Variants in VPS13A observed in about 807,000 individuals in gnomAD.
VPS13A encodes the protein vacuolar protein sorting 13 homolog A.
Under a neutral mutation model 390.9 loss-of-function variants are expected in VPS13A, and 264 were observed. The ratio of observed to expected loss-of-function variants is 0.68; its 90% confidence interval spans 0.61 to 0.75. VPS13A has a LOEUF of 0.75. Ranked by LOEUF, VPS13A falls within the 30% of genes least tolerant of loss-of-function variation. VPS13A has a pLI of 0.00. For synonymous variants in VPS13A, 1,231 were observed against 1,227.1 expected, an observed-to-expected ratio of 1.00 and a Z score of -0.07; for missense variants, 3,409 against 3,733.9, an observed-to-expected ratio of 0.91 and a Z score of 2.27.
intron 26 of VPS13A, among the ~76,000 whole-genome samples, chr9:77,278,821 G>C (rs1022110446): frequency 2.6e-5 from 4 of 152,158 alleles, no homozygotes; most frequent in Non-Finnish European, 5.9e-5. Context: ...TTCTACACTG[G>C]TTTTCTTAGT....
chr9:77,178,594 A>G (rs929474421), intron 1 of VPS13A, among the ~76,000 whole-genome samples: 1 of 152,120 alleles, frequency 6.6e-6, no homozygotes, highest in Non-Finnish European at 1.5e-5. Context: ...CCTGCAAAAG[A>G]CCGGGCTGAA....
intron 10 of VPS13A, among the ~76,000 whole-genome samples, chr9:77,217,352 C>A (rs1005504321): frequency 4.6e-5 from 7 of 152,086 alleles, no homozygotes; most frequent in African/African-American, 9.7e-5. Context: ...GGAGTACAAT[C>A]CTTACATGGA....
chr9:77,403,092 T>C (rs1462273397), intron 68 of VPS13A, 144 bp from the exon 69 acceptor site: 1 of 633,554 alleles, frequency 1.6e-6, no homozygotes, highest in East Asian at 2.8e-5. Flanking sequence ...GAAACAGCAA[T>C]GATTTTACAA....
intron 1 of VPS13A, among the ~76,000 whole-genome samples, chr9:77,185,955 C>T (rs1311901502): frequency 2.0e-5 from 3 of 152,084 alleles, no homozygotes; most frequent in Non-Finnish European, 2.9e-5. Flanking sequence ...GGTGAAACCC[C>T]ATCTCTACTA....
At chr9:77,410,365 G>A (rs1834859959) in intron 71 of VPS13A, among the ~76,000 whole-genome samples, 1 of 151,106 alleles carries the variant, frequency 6.6e-6, no homozygotes, top group Admixed American at 6.6e-5. Flanking sequence ...AGACCATCAA[G>A]GCTAGGAAGA....
In VPS13A at chr9:77,380,903, G is replaced by A. The variant is rs370342750; in HGVS notation, c.9078-1073G>A. 3.3e-5 allele frequency among the ~76,000 whole-genome samples: 5 copies of A among 152,168 alleles called. No individual in the cohort carries two copies. In the East Asian group the frequency reaches 7.7e-4, roughly 23 times the overall value. ...TGCCGCTGCTGATATGACAGGAGGT[G>A]GAGCTCAGGCAGTGAAACTTGCTTG... On this transcript the variant is annotated intron_variant, in intron 67 of 71. Coordinates refer to ENST00000360280, the MANE Select transcript of VPS13A (RefSeq NM_033305.3).
At chr9:77,384,994 T>C (rs1230608599) in intron 68 of VPS13A, 1 of 1,070,516 alleles carries the variant, frequency 9.3e-7, no homozygotes, top group Admixed American at 4.9e-5. Flanking sequence ...TCACTGGTTT[T>C]ATTTTAAATT....
rs76730947 is a variant in VPS13A at position 77,277,741 on chromosome 9, G to A, written c.2824+1520G>A. 7.5e-4 allele frequency among the ~76,000 whole-genome samples: 114 copies of A among 151,870 alleles called. No individual in the cohort carries two copies. The East Asian group carries it at 0.02, about 27-fold the overall frequency. Reference sequence around the variant, plus strand: ...GTTACCTCCATGTCTTTTCATAACTGGGCAGCCCATTTCTTTTTTAGCAAT... The same window carrying A: ...GTTACCTCCATGTCTTTTCATAACTAGGCAGCCCATTTCTTTTTTAGCAAT... On this transcript the variant is annotated intron_variant, in intron 26 of 71. Transcript: ENST00000360280.
intron 57 of VPS13A, 67 bp downstream of exon 57, chr9:77,358,505 A>G: frequency 7.5e-7 from 1 of 1,339,782 alleles, no homozygotes; most frequent in South Asian, 1.2e-5. Flanking sequence ...TTTACTATAA[A>G]AATATGAAGT....
In VPS13A at chr9:77,260,097, A is replaced by T; in HGVS notation, c.2300A>T (p.Tyr767Phe). 1 of 1,514,024 alleles carries T rather than the reference A, an allele frequency of 6.6e-7. No individual in the cohort carries two copies. Among genetic ancestry groups the T allele is most frequent in the Non-Finnish European group, 9.2e-7 (1 of 1,092,676 alleles). The allele number at this position is 1,514,024 out of a possible 1,614,324, so 93.8% of individuals were successfully genotyped here. Residue 767 changes from tyrosine (Y) to phenylalanine (F), a missense_variant, in exon 23 of 72, where the codon TAT becomes TTT. Physicochemically the swap from Tyr to Phe is conservative, Grantham distance 22. Transcript: ENST00000360280. ...TCTTTTCAAAACAGATTCAAGATTT[A>T]TGGAAAGTTACCTCTTATTTCTTTA... The part of the protein sequence containing the change: ...MDVRMPKFKI[Y>F]GKLPLISLRI...
chr9:77,209,588 T>G, intron 6 of VPS13A, 56 bp downstream of exon 6: 1 of 1,143,614 alleles, frequency 8.7e-7, no homozygotes, highest in Non-Finnish European at 1.3e-6. Context: ...GTTATTTTAC[T>G]ATTTAATGAC....
chr9:77,319,730 TA>T (rs1829629874), intron 42 of VPS13A, 57 bp downstream of exon 42: 4 of 1,006,162 alleles, frequency 4.0e-6, no homozygotes, highest in Admixed American at 2.7e-5. Flanking sequence ...TAAAAGACTT[TA>T]TTTTTTTAAG....
chr9:77,308,179 G>A lies in VPS13A; in HGVS notation c.4114+81G>A, dbSNP rs1015613708. The A allele has an allele frequency of 2.9e-5, 43 of 1,459,112 alleles. No homozygotes were observed. The Middle Eastern group carries it at 5.2e-4, about 18-fold the overall frequency. The allele number at this position is 1,459,112 out of a possible 1,614,324, so 90.4% of individuals were successfully genotyped here. A position where few individuals can be genotyped will look rare whatever the true frequency, so the allele number is the denominator to read the frequency against. Reference sequence around the variant, plus strand: ...TATCTTCTTCCCTCCCCTTCCTTCTGTCTTTTCCCTCCTTCCTCCCCTCTT... The same window carrying A: ...TATCTTCTTCCCTCCCCTTCCTTCTATCTTTTCCCTCCTTCCTCCCCTCTT... On this transcript the variant is annotated intron_variant, in intron 35 of 71. Coordinates refer to ENST00000360280, the MANE Select transcript of VPS13A (RefSeq NM_033305.3).
intron 4 of VPS13A, 95 bp from the exon 5 acceptor site, chr9:77,205,883 C>A: frequency 1.0e-6 from 1 of 973,510 alleles, no homozygotes; most frequent in Admixed American, 2.3e-5. Flanking sequence ...AGCCACCGCG[C>A]CCGGCCAATT....
chr9:77,413,440 A>G (rs1243573786), intron 71 of VPS13A, among the ~76,000 whole-genome samples: 7 of 152,192 alleles, frequency 4.6e-5, no homozygotes. Flanking sequence ...AACGCCGCAT[A>G]TCTACGACCA....
rs187470131 is a variant in VPS13A at position 77,408,632 on chromosome 9, C to A, written c.9474+1025C>A. Among the ~76,000 whole-genome samples the A allele has an allele frequency of 1.4e-4, 21 of 152,348 alleles. No individual in the cohort carries two copies. In the East Asian group the frequency reaches 3.1e-3, roughly 22 times the overall value. On this transcript the variant is annotated intron_variant, in intron 71 of 71. Coordinates refer to ENST00000360280, the MANE Select transcript of VPS13A (RefSeq NM_033305.3). Reference sequence around the variant, plus strand: ...TCCAACGGTCTTAGCAACCGGCACACCAGGAGATTATATCCCATGCCTGGC... The same window carrying A: ...TCCAACGGTCTTAGCAACCGGCACAACAGGAGATTATATCCCATGCCTGGC...
chr9:77,358,338 T>C lies in VPS13A; in HGVS notation c.7954-19T>C, dbSNP rs199800930. The C allele has an allele frequency of 9.5e-5, 148 of 1,564,186 alleles. No individual in the cohort carries two copies. Among genetic ancestry groups the C allele is most frequent in the Non-Finnish European group, 1.2e-4 (136 of 1,134,974 alleles). On this transcript the variant is annotated intron_variant, in intron 56 of 71. Coordinates refer to ENST00000360280, the MANE Select transcript of VPS13A (RefSeq NM_033305.3). ...TATAATTGACATATTAATATACTGA[T>C]GTGTTTTTATTTTCTTAGATCCAAA...
intron 17 of VPS13A, among the ~76,000 whole-genome samples, chr9:77,231,205 T>G (rs1250521528): frequency 6.6e-6 from 1 of 152,150 alleles, no homozygotes; most frequent in African/African-American, 2.4e-5. Context: ...CATTCCGATG[T>G]GGATGCCCTT....
chr9:77,306,145 A>G (rs1486009135), intron 34 of VPS13A, among the ~76,000 whole-genome samples: 1 of 152,186 alleles, frequency 6.6e-6, no homozygotes, highest in South Asian at 2.1e-4. Context: ...AACCCCAAAC[A>G]TTAGTAGTAT....
Sources: allele counts gnomAD v4.1 joint callset (sites outside exome capture counted in the v4.1 genomes callset), GRCh38; gene constraint gnomAD v4.1.1; transcripts MANE v1.5; gene names NCBI Gene and HGNC (gene_info 2026-07-23, HGNC 2026-07-21).